The following IPO8 variants were observed in gnomAD, a reference collection of about 807,000 sequenced individuals.
IPO8 encodes the protein importin-8.
A neutral mutation model predicts 141.2 loss-of-function variants in IPO8; 65 were observed. That is an observed-to-expected ratio of 0.46 (90% CI 0.38 to 0.57). The LOEUF is 0.57. Among genes scored for constraint, IPO8 ranks in the 20% least tolerant of loss-of-function variants. The probability of loss-of-function intolerance (pLI) is 0.00; values close to 1 mark genes in which losing one functional copy is unlikely to be tolerated. For synonymous variants in IPO8, 411 were observed against 420.3 expected (o/e 0.98, Z 0.27); for missense variants, 980 against 1,246.8 (o/e 0.79, Z 3.22).
At chr12:30,673,431 C>T (rs1362773881) in intron 8 of IPO8, among the ~76,000 whole-genome samples, 1 of 152,146 alleles carries the variant, frequency 6.6e-6, no homozygotes, top group South Asian at 2.1e-4. Context: ...TTTTCATGGA[C>T]CACTTGTCCT....
chr12:30,677,912 G>A (rs781083932), intron 5 of IPO8, among the ~76,000 whole-genome samples: 3 of 151,762 alleles, frequency 2.0e-5, no homozygotes, highest in Admixed American at 1.3e-4. Context: ...CAAGGCAGGC[G>A]GAACATGAGG....
Position 30,663,672 on chromosome 12 carries a change from G to A in IPO8, c.1429-18C>T, listed in dbSNP as rs1358131409. On this transcript the variant is annotated intron_variant, in intron 13 of 24. Transcript: ENST00000256079. ...CAGCAAGACTGTATTATTAAAAAAG[G>A]TAAGTAGGGAGCTATTAGGATTATA... 3.8e-6 allele frequency: 6 copies of A among 1,579,588 alleles called. No individual in the cohort carries two copies. Among genetic ancestry groups the A allele is most frequent in the Admixed American group, 1.8e-5 (1 of 56,610 alleles).
At chr12:30,681,593 CTT>C in intron 4 of IPO8, 64 bp downstream of exon 4, 8 of 1,482,068 alleles carry the variant, frequency 5.4e-6, no homozygotes, top group Non-Finnish European at 7.4e-6. Context: ...ACAGACCACT[CTT>C]TGCAACTTCA....
chr12:30,666,103 A>G, intron 11 of IPO8, 72 bp downstream of exon 11: 1 of 951,324 alleles, frequency 1.1e-6, no homozygotes, highest in Non-Finnish European at 1.6e-6. Flanking sequence ...CTCAAATACT[A>G]GGGATATACT....
intron 19 of IPO8, among the ~76,000 whole-genome samples, 164 bp from the exon 20 acceptor site, chr12:30,649,396 C>T (rs2052693657): frequency 6.6e-6 from 1 of 152,122 alleles, no homozygotes; most frequent in South Asian, 2.1e-4. Context: ...AAATAAATTC[C>T]ATCCATCATC....
At position 30,629,269 on chromosome 12, in the gene IPO8, A is replaced by T. The variant is rs573174536; in HGVS notation, c.*1591T>A. The T allele has an allele frequency of 3.5e-4, 53 of 152,382 alleles. No homozygotes were observed. The highest frequency in any genetic ancestry group is 1.2e-3 in the African/African-American group (50 of 41,596). The allele number at this position is 152,382 out of a possible 1,614,324, so 9.4% of individuals were successfully genotyped here. On this transcript the variant is annotated 3_prime_UTR_variant, in exon 25 of 25. Transcript: ENST00000256079. ...AAATTAGACCATGTGGAACATGAGAATAAAGAGTTTGAAAGCTCTCTAAAA... is the reference window on the plus strand; with the variant it reads ...AAATTAGACCATGTGGAACATGAGATTAAAGAGTTTGAAAGCTCTCTAAAA...
chr12:30,692,087 C>T (rs978965712), intron 1 of IPO8, among the ~76,000 whole-genome samples: 2 of 152,166 alleles, frequency 1.3e-5, no homozygotes, highest in African/African-American at 2.4e-5. Flanking sequence ...TGTATTATAA[C>T]TCATGTTTAT....
At chr12:30,632,690 A>C (rs1187461834) in intron 23 of IPO8, among the ~76,000 whole-genome samples, 4 of 152,204 alleles carry the variant, frequency 2.6e-5, no homozygotes, top group Non-Finnish European at 5.9e-5. Flanking sequence ...CTAAATTAAT[A>C]AAGTGAACCT....
intron 22 of IPO8, among the ~76,000 whole-genome samples, chr12:30,634,768 T>A (rs1409642305): frequency 1.3e-5 from 2 of 152,052 alleles, no homozygotes; most frequent in Admixed American, 6.6e-5. Flanking sequence ...CCAAATGAGA[T>A]CATTTCTGCT....
In IPO8 at chr12:30,684,293, C is replaced by A. The variant is rs2053217697; in HGVS notation, c.323+8G>T. 6.2e-7 allele frequency: 1 copy of A among 1,612,988 alleles called. No individual in the cohort carries two copies. Among genetic ancestry groups the A allele is most frequent in the East Asian group, 2.2e-5 (1 of 44,864 alleles). On this transcript the variant is annotated splice_region_variant and intron_variant, in intron 3 of 24. Coordinates refer to ENST00000256079, the MANE Select transcript of IPO8 (RefSeq NM_006390.4). ...TTCTAGTAATCACAAATATATAGCA[C>A]CACATACCTCACTAAATCTGGAGAC...
chr12:30,677,206 C>A, intron 5 of IPO8: 1 of 638,362 alleles, frequency 1.6e-6, no homozygotes, highest in Non-Finnish European at 2.7e-6. Flanking sequence ...CACCACATAA[C>A]AAATGTTTCG....
chr12:30,662,729 T>C (rs796410647), intron 14 of IPO8, among the ~76,000 whole-genome samples: 3 of 152,174 alleles, frequency 2.0e-5, no homozygotes, highest in African/African-American at 7.2e-5. Flanking sequence ...GCAGAAACTA[T>C]CCCAAAATAC....
chr12:30,632,557 G>C (rs1384112959), intron 23 of IPO8, among the ~76,000 whole-genome samples: 1 of 152,046 alleles, frequency 6.6e-6, no homozygotes, highest in Non-Finnish European at 1.5e-5. Flanking sequence ...CCACTACTGT[G>C]CATCCTTAAC....
chr12:30,674,614 G>C (rs1591840195), intron 7 of IPO8, 45 bp downstream of exon 7: 1 of 1,326,048 alleles, frequency 7.5e-7, no homozygotes, highest in East Asian at 2.3e-5. Flanking sequence ...ATCTGATACT[G>C]AGATACTGGC....
At chr12:30,685,434 T>C (rs2053230673) in intron 2 of IPO8, among the ~76,000 whole-genome samples, 1 of 151,562 alleles carries the variant, frequency 6.6e-6, no homozygotes, top group Non-Finnish European at 1.5e-5. Context: ...CCACTGCACC[T>C]GGCCAGAATG....
chr12:30,659,539 C>A (rs116872358), intron 16 of IPO8, among the ~76,000 whole-genome samples: 1 of 150,990 alleles, frequency 6.6e-6, no homozygotes, highest in South Asian at 2.1e-4. Flanking sequence ...TCCATTGGCA[C>A]GTCATAAACA....
intron 9 of IPO8, 23 bp downstream of exon 9, chr12:30,670,939 G>A: frequency 6.3e-7 from 1 of 1,591,428 alleles, no homozygotes; most frequent in South Asian, 1.2e-5. Context: ...AATAATTTTG[G>A]AGAGCTGCTC....
chr12:30,692,676 T>C (rs2053302134), intron 1 of IPO8, among the ~76,000 whole-genome samples: 1 of 152,170 alleles, frequency 6.6e-6, no homozygotes, highest in African/African-American at 2.4e-5. Flanking sequence ...TGCATTAACC[T>C]TTCTAGTCCT....
intron 22 of IPO8, among the ~76,000 whole-genome samples, chr12:30,636,389 A>G (rs1213460336): frequency 6.6e-6 from 1 of 152,112 alleles, no homozygotes; most frequent in Non-Finnish European, 1.5e-5. Context: ...CTCATCATTA[A>G]ACAAAACAAA....
Sources: allele counts gnomAD v4.1 joint callset (sites outside exome capture counted in the v4.1 genomes callset), GRCh38; gene constraint gnomAD v4.1.1; transcripts MANE v1.5; gene names NCBI Gene and HGNC (gene_info 2026-07-23, HGNC 2026-07-21).